The following ZNF587B variants were observed in gnomAD, a reference collection of about 807,000 sequenced individuals.
ZNF587B encodes zinc finger protein 587B.
Under a neutral mutation model 7.2 loss-of-function variants are expected in ZNF587B, and 6 were observed. The ratio of observed to expected loss-of-function variants is 0.83; its 90% confidence interval spans 0.46 to 1.65. The LOEUF (loss-of-function observed/expected upper bound fraction) is 1.65. Ranked by LOEUF, ZNF587B falls within the 40% of genes most tolerant of loss-of-function variation. The pLI, the probability that ZNF587B is intolerant of heterozygous loss-of-function variation, is 0.01. For missense variants in ZNF587B, 749 were observed against 761.0 expected, an observed-to-expected ratio of 0.98 and a Z score of 0.19; for synonymous variants, 274 against 254.3, an observed-to-expected ratio of 1.08 and a Z score of -0.74.
In ZNF587B at chr19:57,843,578, GGTTGGTTGGTTGTTTTTTTTTGTTTT is replaced by G; in HGVS notation, c.*1003_*1028del. On this transcript the variant is annotated 3_prime_UTR_variant, in exon 3 of 3. Transcript: ENST00000594901. ...AAGTTTTTTGTTTGGTTGGTTGGTT[GGTTGGTTGGTTGTTTTTTTTTGTTTT>G]TTTTTTTTTTTTTTTTGGAGACAAA... is the stretch of plus-strand genomic sequence containing the variant. 3 of 918,268 alleles carry G rather than the reference GGTTGGTTGGTTGTTTTTTTTTGTTTT, an allele frequency of 3.3e-6. No homozygotes were observed. In the African/African-American group the frequency reaches 7.3e-5, roughly 22 times the overall value. 56.9% of individuals were successfully genotyped at this position (918,268 alleles called of 1,614,324 possible). A position where few individuals can be genotyped will look rare whatever the true frequency, so the allele number is the denominator to read the frequency against.
chr19:57,843,563 TTTGGTTGGTTGG>T lies in ZNF587B; in HGVS notation c.*1003_*1014del, dbSNP rs1297723265. 2.3e-4 allele frequency: 217 copies of T among 948,058 alleles called. No individual in the cohort carries two copies. Among genetic ancestry groups the T allele is most frequent in the African/African-American group, 2.1e-3 (83 of 40,372 alleles). 58.7% of individuals were successfully genotyped at this position (948,058 alleles called of 1,614,324 possible). ...AGAGATTTTTTTTTTAAGTTTTTTG[TTTGGTTGGTTGG>T]TTGGTTGGTTGGTTGTTTTTTTTTG... On this transcript the variant is annotated 3_prime_UTR_variant, in exon 3 of 3. Transcript: ENST00000594901.
Position 57,843,685 on chromosome 19 carries a change from TCTGCCTC to T in ZNF587B, c.*1113_*1119del. 1.7e-6 allele frequency: 1 copy of T among 587,632 alleles called. No homozygotes were observed. The highest frequency in any genetic ancestry group is 2.1e-6 in the Non-Finnish European group (1 of 474,680). The allele number at this position is 587,632 out of a possible 1,614,324, so 36.4% of individuals were successfully genotyped here. On this transcript the variant is annotated 3_prime_UTR_variant, in exon 3 of 3. Transcript: ENST00000594901. ...GGTGTGATCCTGGTTCATTGCAACC[TCTGCCTC>T]CTGAGTTCAAGCAATTCTCCTTTCT...
In ZNF587B at chr19:57,841,243, C is replaced by T. The variant is rs779064064; in HGVS notation, c.569C>T (p.Ala190Val). 5.6e-6 allele frequency: 9 copies of T among 1,613,970 alleles called. No homozygotes were observed. The highest frequency in any genetic ancestry group is 3.3e-5 in the Admixed American group (2 of 59,986). Residue 190 changes from alanine (A) to valine (V), a missense_variant, in exon 3 of 3, where the codon GCC (alanine) becomes GTC (valine). Ala to Val is a moderately conservative substitution (Grantham distance 64). Transcript: ENST00000594901. ...AGGTCAGGATTACTCCAGCAGGAGGCCAGTCACACTGGGGAGAAGTCAAAC... is the reference window on the plus strand; with the variant it reads ...AGGTCAGGATTACTCCAGCAGGAGGTCAGTCACACTGGGGAGAAGTCAAAC... ...LPRSGLLQQE[A>V]SHTGEKSNSK... is the part of the protein sequence containing the mutation.
At chr19:57,832,982 C>T (rs867418692) in intron 1 of ZNF587B, among the ~76,000 whole-genome samples, 6,093 of 149,116 alleles carry the variant, frequency 0.041, no homozygotes, top group Non-Finnish European at 0.059. Context: ...TGGGACTGTG[C>T]TGGGTGAGAG....
chr19:57,844,402 G>A lies in ZNF587B; in HGVS notation c.*1826G>A, dbSNP rs2122266312. 3.5e-6 allele frequency: 1 copy of A among 284,510 alleles called. No individual in the cohort carries two copies. The highest frequency in any genetic ancestry group is 1.5e-4 in the East Asian group (1 of 6,840). 17.6% of individuals were successfully genotyped at this position (284,510 alleles called of 1,614,324 possible). A position where few individuals can be genotyped will look rare whatever the true frequency, so the allele number is the denominator to read the frequency against. On this transcript the variant is annotated 3_prime_UTR_variant, in exon 3 of 3. Coordinates refer to ENST00000594901, the MANE Select transcript of ZNF587B (RefSeq NM_001376223.1). The stretch of plus-strand genomic sequence containing the variant: ...TGTAGCCGCAGCTACTCAGGAGGCT[G>A]AGGCAGGAAAATTGCTTGAACCCCG...
At chr19:57,840,348 A>T (rs1369312001) in intron 2 of ZNF587B, among the ~76,000 whole-genome samples, 1 of 151,962 alleles carries the variant, frequency 6.6e-6, no homozygotes. Flanking sequence ...TCTCCTATCT[A>T]ATCTTCACAT....
chr19:57,843,591 T>TTTTTTTTTG lies in ZNF587B; in HGVS notation c.*1024_*1032dup, dbSNP rs1568501854. 2 of 830,514 alleles carry TTTTTTTTTG rather than the reference T, an allele frequency of 2.4e-6. No homozygotes were observed. The highest frequency in any genetic ancestry group is 3.0e-5 in the African/African-American group (1 of 33,378). 51.4% of individuals were successfully genotyped at this position (830,514 alleles called of 1,614,324 possible). Reference sequence around the variant, plus strand: ...GGTTGGTTGGTTGGTTGGTTGGTTGTTTTTTTTTGTTTTTTTTTTTTTTTT... The same window carrying TTTTTTTTTG: ...GGTTGGTTGGTTGGTTGGTTGGTTGTTTTTTTTTGTTTTTTTTGTTTTTTTTTTTTTTTT... On this transcript the variant is annotated 3_prime_UTR_variant, in exon 3 of 3. Transcript: ENST00000594901.
In ZNF587B at chr19:57,839,071, T is replaced by A; in HGVS notation, c.85T>A (p.Trp29Arg). Residue 29 changes from tryptophan to arginine, a missense_variant, in exon 2 of 3, where the codon TGG (tryptophan) becomes AGG (arginine). Trp to Arg is a moderately radical substitution (Grantham distance 101). Around this residue, in one of 3 missense-constraint regions of ZNF587B, gnomAD observed 72 missense variants for 147.8 expected, o/e 0.49. Transcript: ENST00000594901. ...GGCTGTGAAATTTACCCAGGAGGAATGGAATCTCCTTAGTGAGGCTCAGAG... is the reference window on the plus strand; with the variant it reads ...GGCTGTGAAATTTACCCAGGAGGAAAGGAATCTCCTTAGTGAGGCTCAGAG... ...DVAVKFTQEE[W>R]NLLSEAQRCL... The A allele has an allele frequency of 6.2e-7, 1 of 1,614,152 alleles. No individual in the cohort carries two copies. Among genetic ancestry groups the A allele is most frequent in the South Asian group, 1.1e-5 (1 of 91,078 alleles).
intron 2 of ZNF587B, 59 bp downstream of exon 2, chr19:57,839,208 C>A: frequency 6.2e-7 from 1 of 1,600,126 alleles, no homozygotes; most frequent in South Asian, 1.1e-5. Context: ...CCTGTCTTTC[C>A]CCATTGGCAA....
intron 2 of ZNF587B, among the ~76,000 whole-genome samples, chr19:57,840,075 C>CAAAAAAAAAAAAAA (rs774635301): frequency 1.2e-5 from 1 of 81,110 alleles, no homozygotes; most frequent in African/African-American, 4.5e-5. Flanking sequence ...ACTCTGTCTC[C>CAAAAAAAAAAAAAA]AAAAAAAAAA....
chr19:57,842,575 G>A lies in ZNF587B; in HGVS notation c.1901G>A (p.Ter634=), dbSNP rs1313464674. The A allele has an allele frequency of 6.6e-7, 1 of 1,508,884 alleles. No individual in the cohort carries two copies. Among genetic ancestry groups the A allele is most frequent in the Non-Finnish European group, 8.8e-7 (1 of 1,135,640 alleles). The allele number at this position is 1,508,884 out of a possible 1,614,324, so 93.5% of individuals were successfully genotyped here. A position where few individuals can be genotyped will look rare whatever the true frequency, so the allele number is the denominator to read the frequency against. Reference sequence around the variant, plus strand: ...AGAGTTCATGAAAGAAAGGCCTTATGAGTGCAGAGAATGAGTCCAGTCTCA... The same window carrying A: ...AGAGTTCATGAAAGAAAGGCCTTATAAGTGCAGAGAATGAGTCCAGTCTCA... ...HQRVHERKAL[*] Residue 634 remains the stop codon, a stop_retained_variant, in exon 3 of 3, where the codon TGA becomes TAA. Transcript: ENST00000594901.
At chr19:57,838,294 T>TA (rs76240138) in intron 1 of ZNF587B, among the ~76,000 whole-genome samples, 4,357 of 122,514 alleles carry the variant, frequency 0.036, 218 homozygotes, top group African/African-American at 0.13. Context: ...CAAAAAAAAA[T>TA]AAAAAAAAAA....
At chr19:57,836,321 T>C (rs1430838204) in intron 1 of ZNF587B, among the ~76,000 whole-genome samples, 3 of 152,212 alleles carry the variant, frequency 2.0e-5, no homozygotes, top group African/African-American at 7.2e-5. Flanking sequence ...TCCAATAGAA[T>C]TGCAATTCTG....
intron 1 of ZNF587B, among the ~76,000 whole-genome samples, chr19:57,834,556 G>A (rs1388897614): frequency 3.9e-5 from 4 of 102,088 alleles, no homozygotes; most frequent in Admixed American, 2.4e-4. Context: ...GTTCTGGGCC[G>A]GGTGTGGTGG....
rs561952863 is a variant in ZNF587B at position 57,842,617 on chromosome 19, A to C, written c.*41A>C. 8 of 1,406,348 alleles carry C rather than the reference A, an allele frequency of 5.7e-6. No individual in the cohort carries two copies. The South Asian group carries it at 1.3e-4, about 23-fold the overall frequency. 87.1% of individuals were successfully genotyped at this position (1,406,348 alleles called of 1,614,324 possible). The stretch of plus-strand genomic sequence containing the variant: ...CCAGTCTCATTAAATACAGGAGAGC[A>C]CACACCTGAGTAAGATCTTGTGATT... On this transcript the variant is annotated 3_prime_UTR_variant, in exon 3 of 3. Coordinates refer to ENST00000594901, the MANE Select transcript of ZNF587B (RefSeq NM_001376223.1).
rs1167558840 is a variant in ZNF587B, at chr19:57,841,759, CTT to C, written c.1088_1089del (p.Phe363Ter). The C allele has an allele frequency of 2.5e-6, 4 of 1,608,658 alleles. No homozygotes were observed. Among genetic ancestry groups the C allele is most frequent in the Non-Finnish European group, 3.4e-6 (4 of 1,177,544 alleles). On this transcript the variant is annotated frameshift_variant, in exon 3 of 3. Coordinates refer to ENST00000594901, the MANE Select transcript of ZNF587B (RefSeq NM_001376223.1). LOFTEE classifies it low-confidence loss of function (END_TRUNC). ...TACAAGTGTGGAGAATGTGAGAAAT[CTT>C]TTAGTCGGAAGCCCAGCCTTAGTTA... is the stretch of plus-strand genomic sequence containing the variant.
chr19:57,840,187 A>G (rs1271922577), intron 2 of ZNF587B, among the ~76,000 whole-genome samples: 2 of 149,774 alleles, frequency 1.3e-5, no homozygotes, highest in Non-Finnish European at 3.0e-5. Context: ...CTTTAGTAGC[A>G]TTTTTGTGGC....
intron 1 of ZNF587B, 66 bp downstream of exon 1, chr19:57,830,630 AG>A (rs1988340822): frequency 5.2e-6 from 8 of 1,529,524 alleles, no homozygotes; most frequent in Middle Eastern, 1.7e-4. Context: ...TAGTCTTGCA[AG>A]GAAGAGTCTT....
At position 57,844,037 on chromosome 19, in the gene ZNF587B, G is replaced by A. The variant is rs1037820504; in HGVS notation, c.*1461G>A. On this transcript the variant is annotated 3_prime_UTR_variant, in exon 3 of 3. Coordinates refer to ENST00000594901, the MANE Select transcript of ZNF587B (RefSeq NM_001376223.1). ...TGTTGGGATTATAGGCGTGGCATAAGTCACCATGCTGGGACTTTTTTATTT... is the reference window on the plus strand; with the variant it reads ...TGTTGGGATTATAGGCGTGGCATAAATCACCATGCTGGGACTTTTTTATTT... Among the ~76,000 whole-genome samples, 1 of 152,168 alleles carries A rather than the reference G, an allele frequency of 6.6e-6. No homozygotes were observed. Among genetic ancestry groups the A allele is most frequent in the African/African-American group, 2.4e-5 (1 of 41,452 alleles).
Sources: allele counts gnomAD v4.1 joint callset (sites outside exome capture counted in the v4.1 genomes callset), GRCh38; gene constraint gnomAD v4.1.1; regional missense constraint gnomAD v4.1.1; transcripts MANE v1.5; gene names NCBI Gene and HGNC (gene_info 2026-07-23, HGNC 2026-07-21).